RBMS3: variants seen among roughly 807,000 people sequenced by gnomAD.
RBMS3 encodes RNA binding motif single stranded interacting protein 3, also known as RNA-binding motif, single-stranded-interacting protein 3.
A neutral mutation model predicts 66.8 loss-of-function variants in RBMS3; 27 were observed. That is an observed-to-expected ratio of 0.40 (90% CI 0.30 to 0.56). RBMS3 has a LOEUF of 0.56. Among genes scored for constraint, RBMS3 ranks in the 20% least tolerant of loss-of-function variants. The pLI is 0.40. For synonymous variants in RBMS3, 188 were observed against 183.0 expected (o/e 1.03, Z -0.22); for missense variants, 513 against 549.5 (o/e 0.93, Z 0.66).
intron 14 of RBMS3, among the ~76,000 whole-genome samples, chr3:29,995,122 G>A (rs1699132778): frequency 6.6e-6 from 1 of 152,206 alleles, no homozygotes; most frequent in Non-Finnish European, 1.5e-5. Context: ...ACTACGTGAA[G>A]AATGCAGAAG....
intron 4 of RBMS3, among the ~76,000 whole-genome samples, chr3:29,685,106 G>C (rs569961713): frequency 2.6e-5 from 4 of 151,812 alleles, no homozygotes; most frequent in African/African-American, 9.7e-5. Flanking sequence ...TCACCCAGGC[G>C]GGAGTGCAGT....
rs541987039 is a variant in RBMS3 at position 29,342,759 on chromosome 3, A to G, written c.75+61003A>G. 1.3e-4 allele frequency among the ~76,000 whole-genome samples: 20 copies of G among 152,302 alleles called. No individual in the cohort carries two copies. In the South Asian group the frequency reaches 4.1e-3, roughly 32 times the overall value. On this transcript the variant is annotated intron_variant, in intron 1 of 14. Coordinates refer to ENST00000383767, the MANE Select transcript of RBMS3 (RefSeq NM_001003793.3). ...AACCTATACGTAGTGGTTGAATTAC[A>G]CAGTTTTTCACACATTATACAAATA...
chr3:29,713,538 G>A (rs2053260190), intron 4 of RBMS3, among the ~76,000 whole-genome samples: 1 of 152,152 alleles, frequency 6.6e-6, no homozygotes, highest in African/African-American at 2.4e-5. Context: ...TATACCAGAA[G>A]AAAAGCAATA....
At chr3:29,430,394 A>T (rs1424402352) in intron 1 of RBMS3, among the ~76,000 whole-genome samples, 1 of 152,194 alleles carries the variant, frequency 6.6e-6, no homozygotes, top group Non-Finnish European at 1.5e-5. Flanking sequence ...CTTCTGAAAT[A>T]CATTCTTTCT....
intron 10 of RBMS3, among the ~76,000 whole-genome samples, chr3:29,909,602 T>C (rs1487058254): frequency 2.6e-5 from 4 of 152,098 alleles, no homozygotes; most frequent in African/African-American, 4.8e-5. Context: ...TATGCTTTAA[T>C]ACATTTTTTA....
chr3:29,601,781 G>A (rs1451052258), intron 4 of RBMS3, among the ~76,000 whole-genome samples: 1 of 151,960 alleles, frequency 6.6e-6, no homozygotes, highest in East Asian at 1.9e-4. Context: ...ATTTAATTCA[G>A]ACTCTCAGTC....
chr3:29,896,182 A>G (rs2060120035), intron 8 of RBMS3, among the ~76,000 whole-genome samples: 1 of 151,480 alleles, frequency 6.6e-6, no homozygotes, highest in Non-Finnish European at 1.5e-5. Flanking sequence ...TACAGAAAAT[A>G]AGCTTAAAGA....
intron 1 of RBMS3, among the ~76,000 whole-genome samples, chr3:29,317,210 A>C (rs892705021): frequency 1.3e-5 from 2 of 151,714 alleles, no homozygotes; most frequent in Admixed American, 6.6e-5. Context: ...GTGGGTTGTT[A>C]ATTTGTTTTT....
chr3:29,401,947 C>T (rs2039830587), intron 1 of RBMS3, among the ~76,000 whole-genome samples: 1 of 151,834 alleles, frequency 6.6e-6, no homozygotes, highest in African/African-American at 2.4e-5. Context: ...AACAAGTTGC[C>T]CAAGAGTAAA....
chr3:29,734,961 C>A (rs1354341447), intron 4 of RBMS3, among the ~76,000 whole-genome samples: 2 of 151,002 alleles, frequency 1.3e-5, no homozygotes, highest in Middle Eastern at 3.4e-3. Flanking sequence ...AAAATCTCAA[C>A]TTCATGCTAG....
chr3:29,470,497 A>G (rs923558393), intron 2 of RBMS3, among the ~76,000 whole-genome samples: 2 of 152,088 alleles, frequency 1.3e-5, no homozygotes, highest in Admixed American at 1.3e-4. Flanking sequence ...GTTTGTAGGA[A>G]GAAGTCTTTC....
intron 1 of RBMS3, among the ~76,000 whole-genome samples, chr3:29,388,729 C>G (rs990124005): frequency 6.6e-6 from 1 of 152,154 alleles, no homozygotes; most frequent in Non-Finnish European, 1.5e-5. Context: ...CTATGCCCAG[C>G]TAATTTTAGT....
At chr3:29,666,868 A>C (rs2050786426) in intron 4 of RBMS3, among the ~76,000 whole-genome samples, 1 of 152,146 alleles carries the variant, frequency 6.6e-6, no homozygotes, top group African/African-American at 2.4e-5. Flanking sequence ...AGTAGCCTTC[A>C]ATTTGTTAGC....
intron 6 of RBMS3, among the ~76,000 whole-genome samples, chr3:29,805,415 T>A (rs542337197): frequency 1.2e-4 from 18 of 152,088 alleles, no homozygotes; most frequent in Non-Finnish European, 2.1e-4. Flanking sequence ...ACTTATAGAA[T>A]AAAAAGTAAT....
At chr3:29,964,658 G>A (rs866895580) in intron 12 of RBMS3, among the ~76,000 whole-genome samples, 2 of 151,986 alleles carry the variant, frequency 1.3e-5, no homozygotes, top group South Asian at 2.1e-4. Flanking sequence ...CTTCTTGGGG[G>A]CCAATTGTAT....
At chr3:29,408,950 T>G (rs892293901) in intron 1 of RBMS3, among the ~76,000 whole-genome samples, 1 of 152,188 alleles carries the variant, frequency 6.6e-6, no homozygotes, top group Non-Finnish European at 1.5e-5. Flanking sequence ...GCAGTCAGGA[T>G]GCTTGCACAC....
intron 6 of RBMS3, among the ~76,000 whole-genome samples, chr3:29,860,970 T>G (rs1408168717): frequency 1.3e-5 from 2 of 152,184 alleles, no homozygotes; most frequent in African/African-American, 4.8e-5. Flanking sequence ...TTCACGCCAT[T>G]CTCCTGCCTC....
At chr3:29,457,537 C>T (rs1272370271) in intron 2 of RBMS3, among the ~76,000 whole-genome samples, 1 of 152,054 alleles carries the variant, frequency 6.6e-6, no homozygotes, top group Non-Finnish European at 1.5e-5. Flanking sequence ...GCCTGGTCAA[C>T]ATAGTGAAAC....
intron 1 of RBMS3, among the ~76,000 whole-genome samples, chr3:29,336,018 G>A (rs1175941892): frequency 1.3e-5 from 2 of 151,860 alleles, no homozygotes; most frequent in Admixed American, 6.6e-5. Flanking sequence ...CAGCCTTTCC[G>A]GTTTTTCTTA....
Sources: allele counts gnomAD v4.1 joint callset (sites outside exome capture counted in the v4.1 genomes callset), GRCh38; gene constraint gnomAD v4.1.1; transcripts MANE v1.5; gene names NCBI Gene and HGNC (gene_info 2026-07-23, HGNC 2026-07-21).